Variants in MAGI2 observed in about 807,000 individuals in gnomAD.
MAGI2 encodes the protein membrane associated guanylate kinase, WW and PDZ domain containing 2.
Under a neutral mutation model 133.3 loss-of-function variants are expected in MAGI2, and 35 were observed. The observed-to-expected ratio is 0.26, with a 90% CI of 0.20 to 0.35. The LOEUF (loss-of-function observed/expected upper bound fraction) is 0.35. MAGI2 is among the 10% of genes least tolerant of loss of function. MAGI2 has a pLI of 1.00. For synonymous variants in MAGI2, 729 were observed against 710.6 expected (o/e 1.03, Z -0.41); for missense variants, 1,636 against 1,863.4 (o/e 0.88, Z 2.25).
chr7:79,223,689 C>T (rs1830630044), intron 1 of MAGI2, among the ~76,000 whole-genome samples: 1 of 151,916 alleles, frequency 6.6e-6, no homozygotes. Context: ...AATTTGAGCT[C>T]ACAGAGTTTA....
At chr7:79,322,081 A>G (rs1047326815) in intron 1 of MAGI2, among the ~76,000 whole-genome samples, 1 of 152,146 alleles carries the variant, frequency 6.6e-6, no homozygotes, top group Non-Finnish European at 1.5e-5. Flanking sequence ...ATTTTTTTCA[A>G]TAGAAAAAAA....
intron 2 of MAGI2, among the ~76,000 whole-genome samples, chr7:78,856,384 G>A (rs148386826): frequency 0.22 from 33,127 of 152,050 alleles, 4,051 homozygotes; most frequent in South Asian, 0.45. Context: ...TATGGTTTTA[G>A]GTCTAATATT....
chr7:78,456,034 A>G (rs964769933), intron 6 of MAGI2, among the ~76,000 whole-genome samples: 7 of 150,688 alleles, frequency 4.6e-5, no homozygotes, highest in African/African-American at 1.7e-4. Flanking sequence ...TGAAAGATGC[A>G]CCTAGTCAAC....
intron 1 of MAGI2, among the ~76,000 whole-genome samples, chr7:79,357,877 A>C (rs929503733): frequency 1.3e-5 from 2 of 152,210 alleles, no homozygotes; most frequent in Non-Finnish European, 2.9e-5. Context: ...ACTAAGTATG[A>C]GCATGTGCAT....
chr7:78,804,748 C>CAAAAAAAA (rs373472835), intron 2 of MAGI2, among the ~76,000 whole-genome samples: 14 of 97,732 alleles, frequency 1.4e-4, no homozygotes, highest in African/African-American at 3.3e-4. Flanking sequence ...GACTCTGTCT[C>CAAAAAAAA]AAAAAAAAAA....
chr7:79,129,090 C>T (rs1048069268), intron 1 of MAGI2, among the ~76,000 whole-genome samples: 11 of 152,038 alleles, frequency 7.2e-5, no homozygotes, highest in Non-Finnish European at 1.5e-4. Context: ...AGGCTGGTCT[C>T]GAACTCCTGA....
At chr7:78,755,105 T>C (rs575536899) in intron 2 of MAGI2, among the ~76,000 whole-genome samples, 1 of 152,350 alleles carries the variant, frequency 6.6e-6, no homozygotes, top group African/African-American at 2.4e-5. Context: ...ATTACTTAAG[T>C]TAGCAGAGCG....
chr7:78,715,696 A>T (rs1445761142), intron 2 of MAGI2, among the ~76,000 whole-genome samples: 2 of 152,226 alleles, frequency 1.3e-5, no homozygotes, highest in East Asian at 1.9e-4. Context: ...CATTATAACA[A>T]TGACTTCATT....
At chr7:78,103,826 A>C (rs1818414407) in intron 20 of MAGI2, among the ~76,000 whole-genome samples, 1 of 152,270 alleles carries the variant, frequency 6.6e-6, no homozygotes, top group Admixed American at 6.5e-5. Flanking sequence ...TCATGCTTGC[A>C]TGATTCAGAA....
At chr7:78,655,440 CAAAAAAAAACAACCAAAAAAAAAA>C (rs1812082870) in intron 2 of MAGI2, among the ~76,000 whole-genome samples, 2 of 28,852 alleles carry the variant, frequency 6.9e-5, no homozygotes, top group South Asian at 1.8e-3. Context: ...AAAAAACAAA[CAAAAAAAAACAACCAAAAAAAAAA>C]AAAAAAAAAA....
At chr7:78,925,099 C>T (rs985772587) in intron 2 of MAGI2, among the ~76,000 whole-genome samples, 1 of 151,836 alleles carries the variant, frequency 6.6e-6, no homozygotes, top group Non-Finnish European at 1.5e-5. Context: ...CTGGATTGAA[C>T]ACATTTTTAT....
intron 6 of MAGI2, among the ~76,000 whole-genome samples, chr7:78,455,331 C>T (rs535810519): frequency 1.3e-5 from 2 of 152,232 alleles, no homozygotes; most frequent in South Asian, 4.2e-4. Flanking sequence ...ACTAGTTTCT[C>T]ATTGGGTAAT....
intron 16 of MAGI2, among the ~76,000 whole-genome samples, chr7:78,137,377 C>A (rs1234708513): frequency 6.6e-6 from 1 of 152,170 alleles, no homozygotes; most frequent in Non-Finnish European, 1.5e-5. Context: ...AATGAGTTAT[C>A]ATATGTAAAG....
intron 16 of MAGI2, among the ~76,000 whole-genome samples, chr7:78,150,048 TTTGG>T (rs778415356): frequency 6.6e-6 from 1 of 152,168 alleles, no homozygotes; most frequent in Non-Finnish European, 1.5e-5. Flanking sequence ...CTCAGAATAG[TTTGG>T]TTGGGAACAA....
chr7:79,077,592 A>AAAATAAAT (rs1160161708), intron 1 of MAGI2, among the ~76,000 whole-genome samples: 3 of 126,984 alleles, frequency 2.4e-5, no homozygotes, highest in East Asian at 2.6e-4. Flanking sequence ...AAAAAAAAAA[A>AAAATAAAT]AAATAAATAA....
chr7:78,791,542 T>A (rs950956811), intron 2 of MAGI2, among the ~76,000 whole-genome samples: 1 of 122,958 alleles, frequency 8.1e-6, no homozygotes, highest in East Asian at 2.1e-4. Context: ...AGAAACAATC[T>A]TTTTTTTTTT....
At chr7:78,206,000 C>A (rs999220682) in intron 10 of MAGI2, among the ~76,000 whole-genome samples, 1 of 152,180 alleles carries the variant, frequency 6.6e-6, no homozygotes, top group African/African-American at 2.4e-5. Flanking sequence ...CTGCTTGATG[C>A]AAATTAGAGT....
intron 9 of MAGI2, among the ~76,000 whole-genome samples, chr7:78,281,483 C>G (rs188426704): frequency 3.3e-5 from 5 of 152,112 alleles, no homozygotes; most frequent in Non-Finnish European, 7.4e-5. Context: ...TAAGTAAGTG[C>G]CTTGCTTCCT....
In MAGI2 at chr7:78,112,149, A is replaced by G. The variant is rs150436174; in HGVS notation, c.3567+13545T>C. On this transcript the variant is annotated intron_variant, in intron 20 of 21. Coordinates refer to ENST00000354212, the MANE Select transcript of MAGI2 (RefSeq NM_012301.4). Reference sequence around the variant, plus strand: ...CTAAGCTCTGGCTTTCACATCATTCAGATTGCACTGCTTTCCTGTGTACCT... The same window carrying G: ...CTAAGCTCTGGCTTTCACATCATTCGGATTGCACTGCTTTCCTGTGTACCT... Among the ~76,000 whole-genome samples, 761 of 152,312 alleles carry G rather than the reference A, an allele frequency of 5.0e-3. 6 individuals are homozygous for G. The highest frequency in any genetic ancestry group is 6.5e-3 in the Non-Finnish European group (442 of 68,020).
Sources: allele counts gnomAD v4.1 joint callset (sites outside exome capture counted in the v4.1 genomes callset), GRCh38; gene constraint gnomAD v4.1.1; transcripts MANE v1.5; gene names NCBI Gene and HGNC (gene_info 2026-07-23, HGNC 2026-07-21).